The following RCOR1 variants were observed in gnomAD, a reference collection of about 807,000 sequenced individuals.
RCOR1 encodes the protein REST corepressor 1.
RCOR1 carries 12 observed loss-of-function variants against 64.0 expected under a neutral mutation model. The ratio of observed to expected loss-of-function variants is 0.19; its 90% CI spans 0.12 to 0.30. The LOEUF is 0.30. Among genes scored for constraint, RCOR1 ranks in the 10% least tolerant of loss-of-function variants. The pLI, the probability that RCOR1 is intolerant of heterozygous loss-of-function variation, is 1.00. For missense variants in RCOR1, 502 were observed against 621.2 expected, an observed-to-expected ratio of 0.81 and a Z score of 2.04; for synonymous variants, 279 against 227.2, an observed-to-expected ratio of 1.23 and a Z score of -2.05.
rs1204004316 is a variant in RCOR1 at position 102,677,284 on chromosome 14, C to T, written c.362-4611C>T. On this transcript the variant is annotated intron_variant, in intron 2 of 11. Coordinates refer to ENST00000262241, the MANE Select transcript of RCOR1 (RefSeq NM_015156.4). The stretch of plus-strand genomic sequence containing the variant: ...CTCCTCACTTCCCAGTCGGGGCGGC[C>T]GGGCAAAGGAGCCCCTCACCTCCCG... Among the ~76,000 whole-genome samples the T allele has an allele frequency of 4.2e-5, 4 of 96,186 alleles. 1 individual carries two copies. The highest frequency in any genetic ancestry group is 3.5e-4 in the South Asian group (1 of 2,824). The allele number at this position is 96,186 out of a possible 152,430, so 63.1% of individuals were successfully genotyped here.
chr14:102,725,865 C>G (rs189062309), intron 11 of RCOR1, among the ~76,000 whole-genome samples: 7 of 152,098 alleles, frequency 4.6e-5, no homozygotes, highest in African/African-American at 9.7e-5. Context: ...GCCACTGTGC[C>G]GGGCCGTTTT....
At chr14:102,611,493 T>C (rs867911933) in intron 2 of RCOR1, among the ~76,000 whole-genome samples, 23 of 152,204 alleles carry the variant, frequency 1.5e-4, no homozygotes, top group African/African-American at 5.1e-4. Context: ...CCACCTACTT[T>C]GCTTATCTGT....
intron 2 of RCOR1, among the ~76,000 whole-genome samples, chr14:102,601,232 C>T (rs1399547595): frequency 6.6e-6 from 1 of 151,920 alleles, no homozygotes; most frequent in East Asian, 2.0e-4. Context: ...AGGCTGGTTT[C>T]GAACTCTTGA....
intron 8 of RCOR1, among the ~76,000 whole-genome samples, chr14:102,720,150 C>T (rs578060412): frequency 4.3e-4 from 65 of 152,276 alleles, no homozygotes; most frequent in Admixed American, 7.8e-4. Flanking sequence ...GCTCCTCTTC[C>T]GTTGGCTTTC....
chr14:102,627,181 G>A (rs908771574), intron 2 of RCOR1, among the ~76,000 whole-genome samples: 1 of 152,044 alleles, frequency 6.6e-6, no homozygotes, highest in African/African-American at 2.4e-5. Context: ...TCTGTGCCTG[G>A]TACTCTGCCT....
chr14:102,618,851 A>T (rs888330129), intron 2 of RCOR1, among the ~76,000 whole-genome samples: 1 of 152,074 alleles, frequency 6.6e-6, no homozygotes, highest in African/African-American at 2.4e-5. Context: ...TGTAGAAGGA[A>T]AGGCTTTCCA....
At chr14:102,599,777 T>C (rs547393703) in intron 2 of RCOR1, among the ~76,000 whole-genome samples, 19 of 151,502 alleles carry the variant, frequency 1.3e-4, no homozygotes, top group Admixed American at 4.6e-4. Context: ...AAAAAAAATA[T>C]GGTGAATGCT....
rs1228671408 is a variant in RCOR1, at chr14:102,715,269, T to TA, written c.1053+653dup. On this transcript the variant is annotated intron_variant, in intron 8 of 11. Transcript: ENST00000262241. ...TGTATGTTTAGTAGAGACGGGGTTTTACCATGTTAGCCAGGATGGTCTCGA... is the reference window on the plus strand; with the variant it reads ...TGTATGTTTAGTAGAGACGGGGTTTTAACCATGTTAGCCAGGATGGTCTCGA... 2.0e-5 allele frequency among the ~76,000 whole-genome samples: 3 copies of TA among 151,984 alleles called. No individual in the cohort carries two copies. The East Asian group carries it at 5.8e-4, about 29-fold the overall frequency.
chr14:102,720,377 A>C (rs543130711), intron 8 of RCOR1, among the ~76,000 whole-genome samples: 3 of 152,188 alleles, frequency 2.0e-5, no homozygotes, highest in Non-Finnish European at 2.9e-5. Flanking sequence ...GGACAGTGAA[A>C]GATTACCTTG....
chr14:102,698,568 C>CA (rs1895690900), intron 3 of RCOR1, among the ~76,000 whole-genome samples: 1 of 152,218 alleles, frequency 6.6e-6, no homozygotes, highest in African/African-American at 2.4e-5. Context: ...AGGAACCCTT[C>CA]AAGCCAGTTT....
intron 2 of RCOR1, among the ~76,000 whole-genome samples, chr14:102,615,518 G>A (rs1383103608): frequency 1.5e-4 from 22 of 146,388 alleles, no homozygotes; most frequent in African/African-American, 5.3e-4. Context: ...GTGCGATCTC[G>A]GCTCACCGCA....
chr14:102,637,131 A>G (rs1315712045), intron 2 of RCOR1, among the ~76,000 whole-genome samples: 1 of 141,484 alleles, frequency 7.1e-6, no homozygotes, highest in African/African-American at 2.6e-5. Flanking sequence ...TTGTTTTTTT[A>G]TTTTTTTTTT....
At chr14:102,632,644 C>T (rs1166761162) in intron 2 of RCOR1, among the ~76,000 whole-genome samples, 1 of 62,862 alleles carries the variant, frequency 1.6e-5, no homozygotes, top group Non-Finnish European at 3.7e-5. Flanking sequence ...CTTTCCTTTC[C>T]TTTCCTTTCC....
intron 2 of RCOR1, among the ~76,000 whole-genome samples, chr14:102,596,865 C>T (rs977036671): frequency 6.9e-6 from 1 of 144,368 alleles, no homozygotes; most frequent in Non-Finnish European, 1.5e-5. Flanking sequence ...GTGACTGCCC[C>T]TCCCCCCGCC....
intron 2 of RCOR1, among the ~76,000 whole-genome samples, chr14:102,596,227 A>G (rs1443526948): frequency 6.6e-6 from 1 of 151,208 alleles, no homozygotes; most frequent in Non-Finnish European, 1.5e-5. Flanking sequence ...TCATCCTCCT[A>G]AGTAGCTGGG....
At chr14:102,673,741 A>G (rs1177701435) in intron 2 of RCOR1, among the ~76,000 whole-genome samples, 1 of 151,812 alleles carries the variant, frequency 6.6e-6, no homozygotes, top group Non-Finnish European at 1.5e-5. Flanking sequence ...TCAGCCTCCC[A>G]AGTAGCTGGG....
chr14:102,602,491 C>T (rs1893424998), intron 2 of RCOR1, among the ~76,000 whole-genome samples: 1 of 151,208 alleles, frequency 6.6e-6, no homozygotes, highest in Admixed American at 6.6e-5. Context: ...GTAACCTCCG[C>T]CTCCCCGGTT....
At chr14:102,717,469 A>G (rs1428020973) in intron 8 of RCOR1, among the ~76,000 whole-genome samples, 1 of 152,184 alleles carries the variant, frequency 6.6e-6, no homozygotes, top group African/African-American at 2.4e-5. Flanking sequence ...CTGCACTCTA[A>G]TCTTAGGAGA....
At chr14:102,681,551 T>C (rs1003247278) in intron 2 of RCOR1, among the ~76,000 whole-genome samples, 1 of 152,230 alleles carries the variant, frequency 6.6e-6, no homozygotes, top group Non-Finnish European at 1.5e-5. Context: ...AAAAAGTAAC[T>C]CAGGCAGAGA....
Sources: allele counts gnomAD v4.1 joint callset (sites outside exome capture counted in the v4.1 genomes callset), GRCh38; gene constraint gnomAD v4.1.1; transcripts MANE v1.5; gene names NCBI Gene and HGNC (gene_info 2026-07-23, HGNC 2026-07-21).